CDH13: variants seen among roughly 807,000 people sequenced by gnomAD.
CDH13 encodes the protein cadherin 13.
Under a neutral mutation model 63.8 loss-of-function variants are expected in CDH13, and 24 were observed. That is an observed-to-expected ratio of 0.38 (90% CI 0.27 to 0.53). CDH13 has a LOEUF of 0.53. Among genes scored for constraint, CDH13 ranks in the 20% least tolerant of loss-of-function variants. The pLI is 0.85. For synonymous variants in CDH13, 503 were observed against 355.3 expected (o/e 1.42, Z -4.67); for missense variants, 1,049 against 903.1 (o/e 1.16, Z -2.07).
chr16:83,113,462 A>G (rs2035157825), intron 3 of CDH13, among the ~76,000 whole-genome samples: 1 of 152,190 alleles, frequency 6.6e-6, no homozygotes, highest in African/African-American at 2.4e-5. Flanking sequence ...CTTTTTAGAC[A>G]CCTGCTCTAT....
chr16:83,156,953 T>C (rs1429983676), intron 4 of CDH13, among the ~76,000 whole-genome samples: 1 of 152,160 alleles, frequency 6.6e-6, no homozygotes, highest in Non-Finnish European at 1.5e-5. Context: ...AAGGAGCAAT[T>C]TTCTAAAATT....
rs17757018 is a variant in CDH13 at position 83,266,688 on chromosome 16, A to G, written c.636+49191A>G. ...TTAAGTAAGGACAAACATTAAGCCA[A>G]TATTTCCGATATGGATGTTAAGGTT... On this transcript the variant is annotated intron_variant, in intron 5 of 13. Coordinates refer to ENST00000567109, the MANE Select transcript of CDH13 (RefSeq NM_001257.5). Among the ~76,000 whole-genome samples the G allele has an allele frequency of 6.7e-3, 1,019 of 152,326 alleles. 5 individuals are homozygous for G. The highest frequency in any genetic ancestry group is 0.013 in the South Asian group (61 of 4,826).
chr16:83,556,283 C>T (rs1248511834), intron 7 of CDH13, among the ~76,000 whole-genome samples: 1 of 152,116 alleles, frequency 6.6e-6, no homozygotes, highest in East Asian at 1.9e-4. Flanking sequence ...AAAATCCTTG[C>T]TCATGTTTTT....
At chr16:83,167,945 G>A (rs1330400801) in intron 4 of CDH13, among the ~76,000 whole-genome samples, 1 of 151,988 alleles carries the variant, frequency 6.6e-6, no homozygotes, top group African/African-American at 2.4e-5. Context: ...AATTAATGCA[G>A]GAACAGAAAA....
chr16:83,210,814 C>A (rs2039316645), intron 4 of CDH13, among the ~76,000 whole-genome samples: 1 of 150,546 alleles, frequency 6.6e-6, no homozygotes, highest in Non-Finnish European at 1.5e-5. Flanking sequence ...TCACACATGG[C>A]AGTGGGGGAT....
At chr16:83,224,191 A>T (rs2039779876) in intron 5 of CDH13, among the ~76,000 whole-genome samples, 1 of 152,238 alleles carries the variant, frequency 6.6e-6, no homozygotes. Flanking sequence ...ACGGCTGAGT[A>T]CTATTCTACC....
intron 3 of CDH13, among the ~76,000 whole-genome samples, chr16:83,046,860 C>T (rs1323440829): frequency 1.3e-5 from 2 of 152,150 alleles, no homozygotes; most frequent in African/African-American, 4.8e-5. Flanking sequence ...TGAAATCCTT[C>T]CTGCTGCTCT....
intron 6 of CDH13, among the ~76,000 whole-genome samples, chr16:83,478,903 C>T (rs1021737514): frequency 6.6e-6 from 1 of 151,854 alleles, no homozygotes; most frequent in African/African-American, 2.4e-5. Flanking sequence ...ATTGGACATC[C>T]CCTCAAATGA....
intron 7 of CDH13, among the ~76,000 whole-genome samples, chr16:83,528,184 G>A (rs550035700): frequency 1.5e-4 from 23 of 152,250 alleles, no homozygotes; most frequent in African/African-American, 5.3e-4. Context: ...AATCACACTT[G>A]CACGCATGCC....
At chr16:83,187,275 C>G (rs1255742750) in intron 4 of CDH13, among the ~76,000 whole-genome samples, 1 of 152,156 alleles carries the variant, frequency 6.6e-6, no homozygotes, top group Non-Finnish European at 1.5e-5. Context: ...TGGCCCCAAA[C>G]AAAATTTAAT....
At chr16:82,793,390 A>G (rs1041996359) in intron 1 of CDH13, among the ~76,000 whole-genome samples, 1 of 152,094 alleles carries the variant, frequency 6.6e-6, no homozygotes, top group African/African-American at 2.4e-5. Flanking sequence ...GGAAAAAAAA[A>G]ATCACTCCAC....
At chr16:83,189,972 C>T (rs117930158) in intron 4 of CDH13, among the ~76,000 whole-genome samples, 3,581 of 152,266 alleles carry the variant, frequency 0.024, 76 homozygotes, top group Non-Finnish European at 0.036. Context: ...CCATGTAAGA[C>T]GTGACTTTGC....
intron 7 of CDH13, among the ~76,000 whole-genome samples, chr16:83,515,069 A>G (rs932906554): frequency 6.6e-6 from 1 of 152,144 alleles, no homozygotes; most frequent in African/African-American, 2.4e-5. Context: ...GTAGGAATCT[A>G]GAATCTGGTT....
intron 2 of CDH13, among the ~76,000 whole-genome samples, chr16:82,915,258 GC>G (rs1351298117): frequency 2.0e-5 from 3 of 152,120 alleles, no homozygotes; most frequent in Non-Finnish European, 4.4e-5. Context: ...ATTTAATATC[GC>G]AAGAGTCTAA....
At chr16:82,737,320 A>G (rs568518728) in intron 1 of CDH13, among the ~76,000 whole-genome samples, 108 of 152,344 alleles carry the variant, frequency 7.1e-4, no homozygotes, top group South Asian at 4.1e-4. Context: ...CTGCTCTCAG[A>G]TGGACCCAGG....
intron 2 of CDH13, among the ~76,000 whole-genome samples, chr16:82,921,113 C>G (rs1391378863): frequency 6.6e-6 from 1 of 152,088 alleles, no homozygotes; most frequent in Non-Finnish European, 1.5e-5. Flanking sequence ...GGTGTACAAT[C>G]CTTTTGATAA....
rs1406852209 is a variant in CDH13 at position 83,356,222 on chromosome 16, G to A, written c.781+11216G>A. Among the ~76,000 whole-genome samples, 287 of 62,310 alleles carry A rather than the reference G, an allele frequency of 4.6e-3. 1 individual carries two copies. The highest frequency in any genetic ancestry group is 0.011 in the African/African-American group (112 of 9,962). 40.9% of individuals were successfully genotyped at this position (62,310 alleles called of 152,430 possible). ...AGTTTATTTATTTTCATGTGTGTGT[G>A]TGTGTGTGTGTGTGTGTGTGTGTGT... is the stretch of plus-strand genomic sequence containing the variant. On this transcript the variant is annotated intron_variant, in intron 6 of 13. Coordinates refer to ENST00000567109, the MANE Select transcript of CDH13 (RefSeq NM_001257.5).
At chr16:83,399,486 C>A (rs1276771316) in intron 6 of CDH13, among the ~76,000 whole-genome samples, 4 of 152,154 alleles carry the variant, frequency 2.6e-5, no homozygotes. Flanking sequence ...TCAAATGTGA[C>A]CACTATGTCT....
chr16:83,400,005 G>T (rs1203098397), intron 6 of CDH13, among the ~76,000 whole-genome samples: 1 of 152,174 alleles, frequency 6.6e-6, no homozygotes, highest in Non-Finnish European at 1.5e-5. Context: ...CTCTAGAATT[G>T]TATGGTGCCT....
Sources: allele counts gnomAD v4.1 joint callset (sites outside exome capture counted in the v4.1 genomes callset), GRCh38; gene constraint gnomAD v4.1.1; transcripts MANE v1.5; gene names NCBI Gene and HGNC (gene_info 2026-07-23, HGNC 2026-07-21).